CORIN: variants seen among roughly 807,000 people sequenced by gnomAD.
CORIN encodes atrial natriuretic peptide-converting enzyme.
In CORIN, 117 loss-of-function variants were observed where a neutral mutation model predicts 125.3. That is an observed-to-expected ratio of 0.93 (90% confidence interval 0.80 to 1.09). The LOEUF (loss-of-function observed/expected upper bound fraction) is 1.09. CORIN is among the 50% of genes least tolerant of loss of function. The probability of loss-of-function intolerance (pLI) is 0.00; values close to 1 mark genes in which losing one functional copy is unlikely to be tolerated. For missense variants in CORIN, 1,253 were observed against 1,306.7 expected, an observed-to-expected ratio of 0.96 and a Z score of 0.63; for synonymous variants, 450 against 466.4, an observed-to-expected ratio of 0.96 and a Z score of 0.45.
intron 19 of CORIN, among the ~76,000 whole-genome samples, chr4:47,606,206 G>T (rs756983361): frequency 2.0e-5 from 3 of 152,074 alleles, no homozygotes; most frequent in Non-Finnish European, 4.4e-5. Context: ...TAAAATGCAG[G>T]TAGTACTATC....
intron 5 of CORIN, among the ~76,000 whole-genome samples, chr4:47,728,851 C>T (rs1423708696): frequency 1.3e-5 from 2 of 152,124 alleles, no homozygotes; most frequent in Non-Finnish European, 2.9e-5. Context: ...AGCTTCTGAG[C>T]TATCAACCTG....
At chr4:47,773,402 G>C (rs1730147881) in intron 3 of CORIN, among the ~76,000 whole-genome samples, 1 of 152,188 alleles carries the variant, frequency 6.6e-6, no homozygotes, top group Non-Finnish European at 1.5e-5. Context: ...TTTAGTAATA[G>C]TTAAGATTTG....
At chr4:47,775,345 T>C (rs1730247401) in intron 3 of CORIN, among the ~76,000 whole-genome samples, 1 of 152,116 alleles carries the variant, frequency 6.6e-6, no homozygotes, top group South Asian at 2.1e-4. Flanking sequence ...ATTAGGTATA[T>C]CTCCTAATGC....
intron 5 of CORIN, among the ~76,000 whole-genome samples, chr4:47,701,255 T>C (rs1454970304): frequency 2.0e-5 from 3 of 152,216 alleles, no homozygotes; most frequent in Admixed American, 2.0e-4. Flanking sequence ...GTGTCATTTA[T>C]ATATCTTTTA....
chr4:47,828,300 G>GT (rs1732826785), intron 1 of CORIN, among the ~76,000 whole-genome samples: 1 of 152,136 alleles, frequency 6.6e-6, no homozygotes, highest in Admixed American at 6.5e-5. Flanking sequence ...CTCCTAGCTA[G>GT]CTTCAGGATA....
chr4:47,700,503 C>A (rs571119945), intron 5 of CORIN, among the ~76,000 whole-genome samples: 2 of 152,330 alleles, frequency 1.3e-5, no homozygotes, highest in East Asian at 3.9e-4. Context: ...GCAGGGATCT[C>A]TCCCTCCTTA....
At chr4:47,802,806 A>G (rs74451408) in intron 2 of CORIN, among the ~76,000 whole-genome samples, 2,391 of 152,230 alleles carry the variant, frequency 0.016, 69 homozygotes, top group African/African-American at 0.053. Flanking sequence ...GGCCTTGGGT[A>G]AGACTCAGTG....
At chr4:47,722,933 TTC>T (rs1461240103) in intron 5 of CORIN, among the ~76,000 whole-genome samples, 1 of 152,222 alleles carries the variant, frequency 6.6e-6, no homozygotes, top group East Asian at 1.9e-4. Flanking sequence ...TCTGGTGTTT[TTC>T]TTTTTCTACT....
At chr4:47,641,360 G>A (rs1723224100) in intron 16 of CORIN, among the ~76,000 whole-genome samples, 1 of 152,058 alleles carries the variant, frequency 6.6e-6, no homozygotes, top group Non-Finnish European at 1.5e-5. Flanking sequence ...CAATGGAATT[G>A]AAAAAGAAAA....
intron 2 of CORIN, among the ~76,000 whole-genome samples, chr4:47,804,744 G>GGGGGGGGGGGGGGGGGGGGT (rs1731696897): frequency 7.6e-6 from 1 of 131,182 alleles, no homozygotes; most frequent in Non-Finnish European, 1.6e-5. Context: ...GGAGGGGGGG[G>GGGGGGGGGGGGGGGGGGGGT]GTTGTTAATG....
intron 20 of CORIN, among the ~76,000 whole-genome samples, chr4:47,600,985 G>GC (rs1294705293): frequency 1.3e-5 from 2 of 152,188 alleles, no homozygotes; most frequent in Admixed American, 1.3e-4. Flanking sequence ...ATTTCTTGAA[G>GC]CAAGACAGCA....
At chr4:47,724,377 T>C (rs1302028842) in intron 5 of CORIN, among the ~76,000 whole-genome samples, 3 of 152,076 alleles carry the variant, frequency 2.0e-5, no homozygotes, top group Non-Finnish European at 2.9e-5. Flanking sequence ...TAACTTCAGG[T>C]ACCTGCTGTA....
intron 19 of CORIN, among the ~76,000 whole-genome samples, chr4:47,620,173 T>C (rs1193285434): frequency 6.6e-6 from 1 of 152,204 alleles, no homozygotes; most frequent in African/African-American, 2.4e-5. Context: ...CATGTATCCA[T>C]CTGTGTAACT....
At chr4:47,745,399 A>G (rs1728617295) in intron 4 of CORIN, among the ~76,000 whole-genome samples, 1 of 152,258 alleles carries the variant, frequency 6.6e-6, no homozygotes, top group Non-Finnish European at 1.5e-5. Flanking sequence ...AATAGTTTTA[A>G]GGAAACTGGG....
chr4:47,837,802 G>A (rs1465054587), intron 1 of CORIN, 85 bp downstream of exon 1: 3 of 1,195,426 alleles, frequency 2.5e-6, no homozygotes, highest in Non-Finnish European at 2.5e-6. Flanking sequence ...GAGAGGACGG[G>A]GGCGGGAGGG....
intron 19 of CORIN, among the ~76,000 whole-genome samples, chr4:47,621,890 G>T (rs2109549667): frequency 6.8e-6 from 1 of 147,322 alleles, no homozygotes; most frequent in South Asian, 2.2e-4. Context: ...AGGTACATGT[G>T]CACATTGTGC....
intron 3 of CORIN, among the ~76,000 whole-genome samples, chr4:47,784,492 A>G (rs1303230007): frequency 6.6e-6 from 1 of 152,222 alleles, no homozygotes; most frequent in Non-Finnish European, 1.5e-5. Context: ...ACAGACTTCT[A>G]TCAAACTTCC....
At chr4:47,603,785 C>A (rs974589180) in intron 19 of CORIN, 117 bp from the exon 20 acceptor site, 31 of 1,107,870 alleles carry the variant, frequency 2.8e-5, no homozygotes, top group Non-Finnish European at 3.8e-5. Flanking sequence ...ATGCCCACCT[C>A]TCAATGTATT....
chr4:47,757,867 C>CATATATATATGTATATATATATATATAT (rs1729232831), intron 4 of CORIN, among the ~76,000 whole-genome samples: 11 of 91,742 alleles, frequency 1.2e-4, no homozygotes, highest in South Asian at 3.4e-4. Context: ...CATATATATA[C>CATATATATATGTATATATATATATATAT]ATATATATAT....
Sources: gnomAD v4.1 joint callset for allele counts (sites outside exome capture counted in the v4.1 genomes callset) on GRCh38, gnomAD v4.1.1 for gene constraint, MANE v1.5 for transcripts, NCBI Gene and HGNC (gene_info 2026-07-23, HGNC 2026-07-21) for gene names.